The following FAM133A variants were observed in gnomAD, a reference collection of about 807,000 sequenced individuals.
The protein encoded by FAM133A is family with sequence similarity 133 member A.
For missense variants in FAM133A, 159 were observed against 164.4 expected, an observed-to-expected ratio of 0.97 and a Z score of 0.18; for synonymous variants, 65 against 58.6, an observed-to-expected ratio of 1.11 and a Z score of -0.50.
At chrX:93,680,696 T>C (rs1304949625) in intron 2 of FAM133A, among the ~76,000 whole-genome samples, 1 of 111,881 alleles carries the variant, frequency 8.9e-6, no homozygotes, top group Non-Finnish European at 1.9e-5. Flanking sequence ...TGATGATTAG[T>C]GATGTCAAGT....
chrX:93,697,143 G>T (rs1188433728), intron 2 of FAM133A, among the ~76,000 whole-genome samples: 1 of 93,035 alleles, frequency 1.1e-5, no homozygotes, highest in Non-Finnish European at 2.1e-5. Flanking sequence ...TCAAAAATCT[G>T]TATTTTTAAT....
intron 3 of FAM133A, among the ~76,000 whole-genome samples, chrX:93,702,868 A>C (rs1352478776): frequency 8.4e-5 from 7 of 82,867 alleles, no homozygotes; most frequent in African/African-American, 2.4e-4. Flanking sequence ...AAAAAAAAAA[A>C]AACAACACTA....
chrX:93,681,718 C>T (rs182332328), intron 2 of FAM133A, among the ~76,000 whole-genome samples: 434 of 111,852 alleles, frequency 3.9e-3, no homozygotes, highest in Middle Eastern at 9.3e-3. Context: ...TGTCTTAAAA[C>T]AGGTGTAAAC....
chrX:93,675,049 A>G (rs1168198709), intron 2 of FAM133A, among the ~76,000 whole-genome samples: 5 of 112,453 alleles, frequency 4.4e-5, no homozygotes, highest in African/African-American at 1.6e-4. Context: ...TAATCTTTAT[A>G]GAATTTGTGC....
chrX:93,702,610 GT>G (rs942068212), intron 3 of FAM133A, among the ~76,000 whole-genome samples: 1 of 109,988 alleles, frequency 9.1e-6, no homozygotes. Flanking sequence ...CGTTCTTTAA[GT>G]GTGGGCTGCA....
intron 3 of FAM133A, among the ~76,000 whole-genome samples, chrX:93,708,406 G>C (rs1008436388): frequency 2.7e-5 from 3 of 111,775 alleles, no homozygotes; most frequent in Non-Finnish European, 3.8e-5. Context: ...TTTACAGTGT[G>C]GGACTAGAAT....
chrX:93,686,333 A>G (rs1404623162), intron 2 of FAM133A, among the ~76,000 whole-genome samples: 1 of 110,759 alleles, frequency 9.0e-6, no homozygotes, highest in Non-Finnish European at 1.9e-5. Context: ...ACATACCCAC[A>G]TTTACCACTT....
chrX:93,701,002 A>G (rs1926657018), intron 3 of FAM133A, among the ~76,000 whole-genome samples: 1 of 111,307 alleles, frequency 9.0e-6, no homozygotes, highest in African/African-American at 3.3e-5. Context: ...TTTGCTTCCT[A>G]TGCTTAAGGC....
intron 2 of FAM133A, among the ~76,000 whole-genome samples, chrX:93,689,012 G>C (rs951974482): frequency 2.8e-5 from 3 of 108,076 alleles, no homozygotes; most frequent in Non-Finnish European, 5.7e-5. Flanking sequence ...GAGAATACAA[G>C]GGTTATAAAT....
intron 3 of FAM133A, among the ~76,000 whole-genome samples, chrX:93,700,396 G>T (rs950217868): frequency 3.6e-5 from 4 of 111,239 alleles, no homozygotes; most frequent in Non-Finnish European, 7.6e-5. Context: ...ATAAAAATTT[G>T]TTGAGTGAAT....
chrX:93,707,223 T>C (rs931183253), intron 3 of FAM133A, among the ~76,000 whole-genome samples: 1 of 111,674 alleles, frequency 9.0e-6, no homozygotes, highest in Non-Finnish European at 1.9e-5. Flanking sequence ...ATTTGAGACG[T>C]GGTTAGGGTA....
At chrX:93,691,927 G>A (rs1213257559) in intron 2 of FAM133A, among the ~76,000 whole-genome samples, 4 of 111,213 alleles carry the variant, frequency 3.6e-5, no homozygotes, top group Non-Finnish European at 5.7e-5. Flanking sequence ...GTAGGCCACA[G>A]TTACCTACTA....
chrX:93,710,365 T>C lies in FAM133A; in HGVS notation c.*199T>C, dbSNP rs1927367962. ...TCCTCTGAGAGCTAAAATTCTGTTG[T>C]CATACCAGTGAATAAAATGTTTGAA... On this transcript the variant is annotated 3_prime_UTR_variant, in exon 4 of 4. Transcript: ENST00000683942. 1 of 356,087 alleles carries C rather than the reference T, an allele frequency of 2.8e-6. No individual in the cohort carries two copies. Among genetic ancestry groups the C allele is most frequent in the Admixed American group, 5.3e-5 (1 of 18,718 alleles). 29.3% of individuals were successfully genotyped at this position (356,087 alleles called of 1,213,427 possible).
chrX:93,695,411 G>A (rs897020871), intron 2 of FAM133A, among the ~76,000 whole-genome samples: 1 of 108,993 alleles, frequency 9.2e-6, no homozygotes, highest in Non-Finnish European at 1.9e-5. Context: ...GTGCCACCAC[G>A]CCTGGCTAAT....
At chrX:93,686,107 CAAAAAAAAAAA>C (rs762274763) in intron 2 of FAM133A, among the ~76,000 whole-genome samples, 1 of 37,517 alleles carries the variant, frequency 2.7e-5, no homozygotes, top group African/African-American at 1.2e-4. Context: ...GACTCCATCT[CAAAAAAAAAAA>C]AAAAAAAAAA....
intron 2 of FAM133A, among the ~76,000 whole-genome samples, chrX:93,697,167 T>TTATATATATATA (rs767010042): frequency 1.2e-3 from 114 of 93,711 alleles, no homozygotes; most frequent in African/African-American, 4.7e-3. Flanking sequence ...TATAGGCAAG[T>TTATATATATATA]TATATATATA....
chrX:93,701,138 A>G (rs932860473), intron 3 of FAM133A, among the ~76,000 whole-genome samples: 2 of 111,799 alleles, frequency 1.8e-5, no homozygotes, highest in African/African-American at 3.2e-5. Context: ...CTCAAAGTGC[A>G]TATTATGGTC....
At chrX:93,696,583 G>A (rs1299253611) in intron 2 of FAM133A, among the ~76,000 whole-genome samples, 2 of 111,231 alleles carry the variant, frequency 1.8e-5, no homozygotes, top group South Asian at 7.5e-4. Context: ...AATAGGATTC[G>A]GGACATAGGG....
At chrX:93,695,794 A>C (rs1482393178) in intron 2 of FAM133A, among the ~76,000 whole-genome samples, 2 of 108,037 alleles carry the variant, frequency 1.9e-5, no homozygotes, top group African/African-American at 3.4e-5. Flanking sequence ...GGCGCCCGCC[A>C]CCACGCCTGG....
Sources: allele counts gnomAD v4.1 joint callset (sites outside exome capture counted in the v4.1 genomes callset), GRCh38; gene constraint gnomAD v4.1.1; transcripts MANE v1.5; gene names NCBI Gene and HGNC (gene_info 2026-07-23, HGNC 2026-07-21).